PDE4B: variants seen among roughly 807,000 people sequenced by gnomAD.
The protein encoded by PDE4B is 3',5'-cyclic-AMP phosphodiesterase 4B.
A neutral mutation model predicts 82.2 loss-of-function variants in PDE4B; 20 were observed. The observed-to-expected ratio is 0.24, with a 90% CI of 0.17 to 0.35. The LOEUF (loss-of-function observed/expected upper bound fraction) is 0.35, where lower values mean the gene tolerates loss of function less well. Ranked by LOEUF, PDE4B falls within the 10% of genes least tolerant of loss-of-function variation. The pLI is 1.00. For missense variants in PDE4B, 655 were observed against 907.2 expected, an observed-to-expected ratio of 0.72 and a Z score of 3.57; for synonymous variants, 320 against 318.9, an observed-to-expected ratio of 1.00 and a Z score of -0.04.
chr1:66,032,483 G>A (rs1340631530), intron 3 of PDE4B, among the ~76,000 whole-genome samples: 2 of 152,084 alleles, frequency 1.3e-5, no homozygotes, highest in African/African-American at 4.8e-5. Context: ...TGCTGCACTG[G>A]TGAAAATCCC....
At chr1:66,260,720 C>T (rs1654618540) in intron 6 of PDE4B, among the ~76,000 whole-genome samples, 1 of 152,106 alleles carries the variant, frequency 6.6e-6, no homozygotes, top group Admixed American at 6.6e-5. Context: ...TAAGCTGTGC[C>T]AACTGAAACA....
chr1:65,888,463 GT>G (rs752575142), intron 1 of PDE4B, among the ~76,000 whole-genome samples: 2 of 151,870 alleles, frequency 1.3e-5, no homozygotes, highest in Non-Finnish European at 2.9e-5. Flanking sequence ...TTTTAGGATT[GT>G]TTTTTCTATT....
At chr1:66,200,751 G>A (rs149250345) in intron 3 of PDE4B, among the ~76,000 whole-genome samples, 1 of 152,172 alleles carries the variant, frequency 6.6e-6, no homozygotes. Flanking sequence ...TTTGGGCTGA[G>A]ACAGTGGGGT....
chr1:66,278,706 G>A (rs1281775504), intron 7 of PDE4B, among the ~76,000 whole-genome samples: 4 of 152,200 alleles, frequency 2.6e-5, no homozygotes, highest in Admixed American at 2.6e-4. Context: ...ATATTTGTAA[G>A]CTCGGAAGTC....
chr1:66,283,313 A>G lies in PDE4B; in HGVS notation c.634+17226A>G, dbSNP rs186181781. 3.4e-3 allele frequency among the ~76,000 whole-genome samples: 514 copies of G among 151,858 alleles called. 2 individuals carry two copies. The highest frequency in any genetic ancestry group is 0.012 in the African/African-American group (486 of 41,264). On this transcript the variant is annotated intron_variant, in intron 7 of 16. Coordinates refer to ENST00000341517, the MANE Select transcript of PDE4B (RefSeq NM_002600.4). ...AAACATTTAAAATAGTGCCAATTATAGAGGAAAGACCAAATACATCATTGC... is the reference window on the plus strand; with the variant it reads ...AAACATTTAAAATAGTGCCAATTATGGAGGAAAGACCAAATACATCATTGC...
intron 7 of PDE4B, among the ~76,000 whole-genome samples, chr1:66,321,331 G>A (rs1659389374): frequency 6.6e-6 from 1 of 152,120 alleles, no homozygotes. Flanking sequence ...AGGCCATGTG[G>A]TTCTAACTTA....
At chr1:66,179,845 A>G (rs1194105262) in intron 3 of PDE4B, among the ~76,000 whole-genome samples, 1 of 152,166 alleles carries the variant, frequency 6.6e-6, no homozygotes, top group Non-Finnish European at 1.5e-5. Context: ...TAGAACTTCT[A>G]GAATCCTTTC....
intron 1 of PDE4B, among the ~76,000 whole-genome samples, chr1:65,879,204 A>G (rs1646683004): frequency 6.6e-6 from 1 of 152,184 alleles, no homozygotes; most frequent in South Asian, 2.1e-4. Context: ...CTCCCAGGCC[A>G]TAAAATACAA....
chr1:66,124,650 T>C (rs1191448383), intron 3 of PDE4B, among the ~76,000 whole-genome samples: 1 of 152,188 alleles, frequency 6.6e-6, no homozygotes, highest in Non-Finnish European at 1.5e-5. Flanking sequence ...TTTCAAATTC[T>C]CACTAGATAG....
At chr1:66,342,103 T>G (rs1334529450) in intron 8 of PDE4B, among the ~76,000 whole-genome samples, 2 of 152,082 alleles carry the variant, frequency 1.3e-5, no homozygotes, top group Admixed American at 1.3e-4. Flanking sequence ...GCCATAAAAT[T>G]TGGATAAATA....
intron 3 of PDE4B, among the ~76,000 whole-genome samples, chr1:66,236,714 T>A (rs1042802364): frequency 1.3e-5 from 2 of 151,716 alleles, no homozygotes; most frequent in Non-Finnish European, 2.9e-5. Flanking sequence ...AGACCATGAG[T>A]AGGTGAGGGA....
chr1:65,848,068 T>A (rs914939113), intron 1 of PDE4B, among the ~76,000 whole-genome samples: 2 of 152,160 alleles, frequency 1.3e-5, no homozygotes, highest in Admixed American at 6.5e-5. Context: ...TTTTGTGAAT[T>A]CATTAATTTT....
At chr1:65,997,687 A>G (rs1289026277) in intron 3 of PDE4B, among the ~76,000 whole-genome samples, 2 of 152,218 alleles carry the variant, frequency 1.3e-5, no homozygotes, top group African/African-American at 4.8e-5. Flanking sequence ...ATTTGTTTGA[A>G]CAAAACAGTT....
Position 66,338,862 on chromosome 1 carries a change from CA to C in PDE4B, c.747+6249del, listed in dbSNP as rs11421650. On this transcript the variant is annotated intron_variant, in intron 8 of 16. Transcript: ENST00000341517. Reference sequence around the variant, plus strand: ...TGAAACCCCGTCTCTACTAAAAATACAAAAAAATTAGCCGGGCGTAGTGGCG... The same window carrying C: ...TGAAACCCCGTCTCTACTAAAAATACAAAAAATTAGCCGGGCGTAGTGGCG... 1.5e-3 allele frequency among the ~76,000 whole-genome samples: 220 copies of C among 150,470 alleles called. 5 individuals are homozygous for C. Among genetic ancestry groups the C allele is most frequent in the Non-Finnish European group, 2.4e-3 (161 of 67,836 alleles).
At chr1:66,170,095 T>C (rs1271526660) in intron 3 of PDE4B, among the ~76,000 whole-genome samples, 1 of 152,126 alleles carries the variant, frequency 6.6e-6, no homozygotes, top group Non-Finnish European at 1.5e-5. Flanking sequence ...ATAATGAAAA[T>C]GAACTAAGTC....
intron 3 of PDE4B, among the ~76,000 whole-genome samples, chr1:66,085,096 G>A (rs549825760): frequency 3.3e-5 from 5 of 152,234 alleles, no homozygotes; most frequent in Admixed American, 3.3e-4. Context: ...CTCAGCAGTG[G>A]TCCCCAGTGT....
At chr1:65,806,509 TA>T (rs1308966357) in intron 1 of PDE4B, among the ~76,000 whole-genome samples, 1 of 152,248 alleles carries the variant, frequency 6.6e-6, no homozygotes, top group African/African-American at 2.4e-5. Flanking sequence ...TGAGTTATTC[TA>T]AAAACTGATT....
At chr1:66,331,379 C>T (rs532801219) in intron 7 of PDE4B, among the ~76,000 whole-genome samples, 1 of 152,296 alleles carries the variant, frequency 6.6e-6, no homozygotes, top group African/African-American at 2.4e-5. Flanking sequence ...CTTTTTACAA[C>T]TCTCTGTAGC....
chr1:66,247,487 A>C lies in PDE4B; in HGVS notation c.309A>C (p.Pro103=). 1.3e-6 allele frequency: 2 copies of C among 1,587,460 alleles called. No individual in the cohort carries two copies. Among genetic ancestry groups the C allele is most frequent in the South Asian group, 2.3e-5 (2 of 87,106 alleles). ...ECFDVENGPS[P]GRSPLDPQAS... ...TTGATGTGGAAAATGGCCCTTCCCCAGGTCGGAGTCCACTGGATCCCCAGG... is the reference window on the plus strand; with the variant it reads ...TTGATGTGGAAAATGGCCCTTCCCCCGGTCGGAGTCCACTGGATCCCCAGG... Residue 103 remains proline, a synonymous_variant, in exon 4 of 17, where the codon CCA becomes CCC. Transcript: ENST00000341517.
Sources: allele counts gnomAD v4.1 joint callset (sites outside exome capture counted in the v4.1 genomes callset), GRCh38; gene constraint gnomAD v4.1.1; transcripts MANE v1.5; gene names NCBI Gene and HGNC (gene_info 2026-07-23, HGNC 2026-07-21).